The following OR5AN1 variants were observed in gnomAD, a reference collection of about 807,000 sequenced individuals.
OR5AN1 encodes olfactory receptor family 5 subfamily AN member 1.
For missense variants in OR5AN1, 476 were observed against 368.9 expected (o/e 1.29, Z -2.38); for synonymous variants, 167 against 131.8 (o/e 1.27, Z -1.83).
chr11:59,364,449 C>T lies in OR5AN1; in HGVS notation c.-10C>T, dbSNP rs570691418. On this transcript the variant is annotated 5_prime_UTR_variant, in exon 2 of 2. Transcript: ENST00000641998. Reference sequence around the variant, plus strand: ...CTTGTCTCCTTTCTGATATTAGGAGCACTGAGCCAATGACTGGGGGAGGAA... The same window carrying T: ...CTTGTCTCCTTTCTGATATTAGGAGTACTGAGCCAATGACTGGGGGAGGAA... 1 of 1,580,886 alleles carries T rather than the reference C, an allele frequency of 6.3e-7. No homozygotes were observed. Among genetic ancestry groups the T allele is most frequent in the Non-Finnish European group, 8.6e-7 (1 of 1,157,992 alleles).
rs1272585678 is a variant in OR5AN1, at chr11:59,371,523, A to C, written c.*6129A>C. Reference sequence around the variant, plus strand: ...CTGCATCTATGCTCCAGCTTCCAGGACTCCTCCCTATGCCAGAGACATTAT... The same window carrying C: ...CTGCATCTATGCTCCAGCTTCCAGGCCTCCTCCCTATGCCAGAGACATTAT... On this transcript the variant is annotated 3_prime_UTR_variant, in exon 2 of 2. Transcript: ENST00000641998. The C allele has an allele frequency of 6.6e-6, 1 of 152,180 alleles. No individual in the cohort carries two copies. Among genetic ancestry groups the C allele is most frequent in the African/African-American group, 2.4e-5 (1 of 41,440 alleles). The allele number at this position is 152,180 out of a possible 1,614,324, so 9.4% of individuals were successfully genotyped here.
chr11:59,360,490 T>C (rs1857451185), intron 1 of OR5AN1, among the ~76,000 whole-genome samples: 1 of 152,144 alleles, frequency 6.6e-6, no homozygotes, highest in Non-Finnish European at 1.5e-5. Flanking sequence ...TAGGTAAATG[T>C]GTTTCATGGT....
Position 59,364,939 on chromosome 11 carries a change from A to G in OR5AN1, c.481A>G (p.Ile161Val). The change falls in exon 2 of 2, where the codon ATT becomes GTT. Residue 161 changes from isoleucine (I) to valine (V), a missense_variant. Ile to Val is a conservative substitution (Grantham distance 29). Transcript: ENST00000641998. Reference sequence around the variant, plus strand: ...TGGCCTCACTGCTTCTTTATTCCAAATTGGTGCTTTGCTTCAACTCCACTT... The same window carrying G: ...TGGCCTCACTGCTTCTTTATTCCAAGTTGGTGCTTTGCTTCAACTCCACTT... ...MTGLTASLFQ[I>V]GALLQLHFCG... is the part of the protein sequence containing the mutation. 6.2e-7 allele frequency: 1 copy of G among 1,613,984 alleles called. No homozygotes were observed. Among genetic ancestry groups the G allele is most frequent in the Non-Finnish European group, 8.5e-7 (1 of 1,179,974 alleles).
chr11:59,366,797 C>A lies in OR5AN1; in HGVS notation c.*1403C>A, dbSNP rs1857539520. On this transcript the variant is annotated 3_prime_UTR_variant, in exon 2 of 2. Coordinates refer to ENST00000641998, the MANE Select transcript of OR5AN1 (RefSeq NM_001004729.2). ...TTATTTATTAAGTGCTTTCTATGTT[C>A]AAAGAATTTAAATGGTTTCAGTTGA... 6.6e-6 allele frequency: 1 copy of A among 152,150 alleles called. No individual in the cohort carries two copies. Among genetic ancestry groups the A allele is most frequent in the Non-Finnish European group, 1.5e-5 (1 of 68,030 alleles). The allele number at this position is 152,150 out of a possible 1,614,324, so 9.4% of individuals were successfully genotyped here.
At position 59,366,173 on chromosome 11, in the gene OR5AN1, T is replaced by C. The variant is rs1590583149; in HGVS notation, c.*779T>C. On this transcript the variant is annotated 3_prime_UTR_variant, in exon 2 of 2. Coordinates refer to ENST00000641998, the MANE Select transcript of OR5AN1 (RefSeq NM_001004729.2). ...TCTAGAGTCTAGTGGGAAATTATAA[T>C]GGAGATGATATTCAAAGTTCACAGC... 6.6e-6 allele frequency: 1 copy of C among 152,216 alleles called. No individual in the cohort carries two copies. The highest frequency in any genetic ancestry group is 2.4e-5 in the African/African-American group (1 of 41,440). The allele number at this position is 152,216 out of a possible 1,614,324, so 9.4% of individuals were successfully genotyped here.
At position 59,369,422 on chromosome 11, in the gene OR5AN1, C is replaced by G. The variant is rs1052487615; in HGVS notation, c.*4028C>G. 6 of 152,056 alleles carry G rather than the reference C, an allele frequency of 3.9e-5. No homozygotes were observed. Among genetic ancestry groups the G allele is most frequent in the East Asian group, 3.8e-4 (2 of 5,196 alleles). The allele number at this position is 152,056 out of a possible 1,614,324, so 9.4% of individuals were successfully genotyped here. On this transcript the variant is annotated 3_prime_UTR_variant, in exon 2 of 2. Transcript: ENST00000641998. ...AAGAAAAATAGCCAGTATAAAAAAGCACTTAGTGGGTCTGACAGAGCTGAA... is the reference window on the plus strand; with the variant it reads ...AAGAAAAATAGCCAGTATAAAAAAGGACTTAGTGGGTCTGACAGAGCTGAA...
intron 1 of OR5AN1, among the ~76,000 whole-genome samples, chr11:59,362,104 A>T (rs1384931221): frequency 6.6e-6 from 1 of 152,104 alleles, no homozygotes. Flanking sequence ...AGAAAAGTAG[A>T]ATTACCTTGT....
Position 59,370,072 on chromosome 11 carries a change from A to G in OR5AN1, c.*4678A>G, listed in dbSNP as rs1356070020. The G allele has an allele frequency of 6.6e-6, 1 of 152,216 alleles. No homozygotes were observed. The highest frequency in any genetic ancestry group is 1.5e-5 in the Non-Finnish European group (1 of 68,040). The allele number at this position is 152,216 out of a possible 1,614,324, so 9.4% of individuals were successfully genotyped here. The stretch of plus-strand genomic sequence containing the variant: ...AGATAAGCAAATGTTGAGGGACTTC[A>G]TTACCACCAGACCTGCCTTACAAGA... On this transcript the variant is annotated 3_prime_UTR_variant, in exon 2 of 2. Coordinates refer to ENST00000641998, the MANE Select transcript of OR5AN1 (RefSeq NM_001004729.2).
Position 59,365,114 on chromosome 11 carries a change from A to G in OR5AN1, c.656A>G (p.Tyr219Cys), listed in dbSNP as rs369526881. The change falls in exon 2 of 2, where the codon TAT becomes TGT. Residue 219 changes from tyrosine (Y) to cysteine (C), a missense_variant. Tyr to Cys is a radical substitution (Grantham distance 194). Transcript: ENST00000641998. ...IASALVIMISYGYIGISIMKI... is the reference protein window; with the variant it reads ...IASALVIMISCGYIGISIMKI... Reference sequence around the variant, plus strand: ...AGTGCCCTAGTTATCATGATATCCTATGGCTATATTGGCATCTCCATCATG... The same window carrying G: ...AGTGCCCTAGTTATCATGATATCCTGTGGCTATATTGGCATCTCCATCATG... 30 of 1,613,998 alleles carry G rather than the reference A, an allele frequency of 1.9e-5. No individual in the cohort carries two copies. Among genetic ancestry groups the G allele is most frequent in the African/African-American group, 4.0e-5 (3 of 74,912 alleles).
rs527768339 is a variant in OR5AN1, at chr11:59,371,557, A to G, written c.*6163A>G. ...TATGCCAGAGACATTATAATAACAGAGAAAACAACAACAACAACAACTTAC... is the reference window on the plus strand; with the variant it reads ...TATGCCAGAGACATTATAATAACAGGGAAAACAACAACAACAACAACTTAC... On this transcript the variant is annotated 3_prime_UTR_variant, in exon 2 of 2. Transcript: ENST00000641998. 3 of 152,304 alleles carry G rather than the reference A, an allele frequency of 2.0e-5. No homozygotes were observed. In the South Asian group the frequency reaches 6.2e-4, roughly 32 times the overall value. The allele number at this position is 152,304 out of a possible 1,614,324, so 9.4% of individuals were successfully genotyped here.
intron 1 of OR5AN1, chr11:59,359,818 A>G (rs113641786): frequency 6.6e-6 from 1 of 152,188 alleles, no homozygotes; most frequent in Non-Finnish European, 1.5e-5. Context: ...CTTCTTGTAC[A>G]TATATTGTTC....
Position 59,369,306 on chromosome 11 carries a change from G to T in OR5AN1, c.*3912G>T, listed in dbSNP as rs1405402249. The T allele has an allele frequency of 6.6e-6, 1 of 151,476 alleles. No individual in the cohort carries two copies. The highest frequency in any genetic ancestry group is 1.5e-5 in the Non-Finnish European group (1 of 67,898). The allele number at this position is 151,476 out of a possible 1,614,324, so 9.4% of individuals were successfully genotyped here. On this transcript the variant is annotated 3_prime_UTR_variant, in exon 2 of 2. Transcript: ENST00000641998. ...TGACAGAAATAGAATTCAGAATATG[G>T]ATAGAAAAAAAAAGATCATGGAAAT...
chr11:59,370,966 C>T lies in OR5AN1; in HGVS notation c.*5572C>T, dbSNP rs1024864854. 6.6e-6 allele frequency: 1 copy of T among 152,344 alleles called. No homozygotes were observed. The highest frequency in any genetic ancestry group is 2.1e-4 in the South Asian group (1 of 4,826). The allele number at this position is 152,344 out of a possible 1,614,324, so 9.4% of individuals were successfully genotyped here. A position where few individuals can be genotyped will look rare whatever the true frequency, so the allele number is the denominator to read the frequency against. On this transcript the variant is annotated 3_prime_UTR_variant, in exon 2 of 2. Transcript: ENST00000641998. ...GACCATGAGATAACCTCTGTGATAGCTCTAGGCTGTTATCTTGTAGGCTTT... is the reference window on the plus strand; with the variant it reads ...GACCATGAGATAACCTCTGTGATAGTTCTAGGCTGTTATCTTGTAGGCTTT...
chr11:59,362,424 T>C (rs1375565527), intron 1 of OR5AN1, among the ~76,000 whole-genome samples: 1 of 152,214 alleles, frequency 6.6e-6, no homozygotes, highest in Non-Finnish European at 1.5e-5. Flanking sequence ...GAGGCAGGTC[T>C]CACAGACCAT....
rs540078732 is a variant in OR5AN1, at chr11:59,369,823, C to T, written c.*4429C>T. On this transcript the variant is annotated 3_prime_UTR_variant, in exon 2 of 2. Transcript: ENST00000641998. ...CCAAGACACATAATCATTATGTTTT[C>T]CAAGGTCAAAATAAAAGAATGTTAA... The T allele has an allele frequency of 2.6e-5, 4 of 152,080 alleles. No individual in the cohort carries two copies. The highest frequency in any genetic ancestry group is 4.4e-5 in the Non-Finnish European group (3 of 68,032). The allele number at this position is 152,080 out of a possible 1,614,324, so 9.4% of individuals were successfully genotyped here.
chr11:59,364,535 A>G lies in OR5AN1; in HGVS notation c.77A>G (p.Lys26Arg), dbSNP rs775869476. Residue 26 changes from lysine (K) to arginine (R), a missense_variant, in exon 2 of 2, where the codon AAA becomes AGA. Physicochemically the swap from Lys to Arg is conservative, Grantham distance 26 (BLOSUM62 2). Transcript: ENST00000641998. Reference protein sequence around the residue: ...LGFSDFPRIIKVLFTIFLVIY... With the variant: ...LGFSDFPRIIRVLFTIFLVIY... ...TTCTCAGATTTTCCCAGGATCATAA[A>G]AGTGCTCTTCACTATATTCCTGGTG... is the stretch of plus-strand genomic sequence containing the variant. 6.2e-7 allele frequency: 1 copy of G among 1,613,808 alleles called. No homozygotes were observed. The highest frequency in any genetic ancestry group is 1.3e-5 in the African/African-American group (1 of 75,016).
At chr11:59,360,712 G>A (rs1253557463) in intron 1 of OR5AN1, among the ~76,000 whole-genome samples, 2 of 152,124 alleles carry the variant, frequency 1.3e-5, no homozygotes, top group Non-Finnish European at 2.9e-5. Flanking sequence ...CTAATTTGCT[G>A]AGGATAATGA....
At chr11:59,364,370 T>G in intron 1 of OR5AN1, 76 bp from the exon 2 acceptor site, 1 of 845,116 alleles carries the variant, frequency 1.2e-6, no homozygotes, top group East Asian at 2.6e-5. Flanking sequence ...AGAAAAGATG[T>G]ACACATATGA....
In OR5AN1 at chr11:59,365,564, A is replaced by G. The variant is rs1260215133; in HGVS notation, c.*170A>G. ...CCAATATGGACCAACAGATGACTCA[A>G]TGCCACAGACATCAGGATCTTTAGG... On this transcript the variant is annotated 3_prime_UTR_variant, in exon 2 of 2. Coordinates refer to ENST00000641998, the MANE Select transcript of OR5AN1 (RefSeq NM_001004729.2). 8 of 534,396 alleles carry G rather than the reference A, an allele frequency of 1.5e-5. No homozygotes were observed. The highest frequency in any genetic ancestry group is 2.6e-5 in the Non-Finnish European group (8 of 305,670). 33.1% of individuals were successfully genotyped at this position (534,396 alleles called of 1,614,324 possible).
Sources: gnomAD v4.1 joint callset for allele counts (sites outside exome capture counted in the v4.1 genomes callset) on GRCh38, gnomAD v4.1.1 for gene constraint, MANE v1.5 for transcripts, NCBI Gene and HGNC (gene_info 2026-07-23, HGNC 2026-07-21) for gene names.